Variants in MSI2 observed in about 807,000 individuals in gnomAD.
MSI2 encodes the protein musashi RNA binding protein 2, also known as RNA-binding protein Musashi homolog 2.
A neutral mutation model predicts 45.6 loss-of-function variants in MSI2; 17 were observed. The ratio of observed to expected loss-of-function variants is 0.37; its 90% CI spans 0.26 to 0.56. The LOEUF (loss-of-function observed/expected upper bound fraction) is 0.56, where lower values mean the gene tolerates loss of function less well. Ranked by LOEUF, MSI2 falls within the 20% of genes least tolerant of loss-of-function variation. The pLI is 0.77. For missense variants in MSI2, 293 were observed against 444.2 expected (o/e 0.66, Z 3.06); for synonymous variants, 156 against 158.2 (o/e 0.99, Z 0.11).
At chr17:57,435,069 G>C (rs185058998) in intron 6 of MSI2, among the ~76,000 whole-genome samples, 3 of 152,292 alleles carry the variant, frequency 2.0e-5, no homozygotes, top group Admixed American at 6.5e-5. Flanking sequence ...TAATGTAAGA[G>C]AGACTGCTTG....
intron 7 of MSI2, among the ~76,000 whole-genome samples, chr17:57,582,290 C>A (rs976695133): frequency 6.6e-5 from 10 of 152,160 alleles, no homozygotes; most frequent in African/African-American, 2.4e-4. Context: ...AAAAAATTAG[C>A]ATGCCGCCCC....
chr17:57,698,706 C>A, the MSI2 span, among the ~76,000 whole-genome samples: 2 of 152,228 alleles, frequency 1.3e-5, no homozygotes, highest in South Asian at 4.1e-4. Context: ...CCTATCAATG[C>A]CCCTTGTTGC....
chr17:57,389,757 G>C (rs114125296), intron 5 of MSI2, among the ~76,000 whole-genome samples: 2,639 of 152,270 alleles, frequency 0.017, 75 homozygotes, highest in African/African-American at 0.059. Flanking sequence ...CTACGTGCCA[G>C]GTGCATTAAA....
chr17:57,586,478 C>G (rs1468699440), intron 7 of MSI2, among the ~76,000 whole-genome samples: 1 of 147,904 alleles, frequency 6.8e-6, no homozygotes, highest in African/African-American at 2.5e-5. Context: ...ATTTCACAAG[C>G]TCAGGGAGGT....
intron 8 of MSI2, among the ~76,000 whole-genome samples, chr17:57,607,325 T>C (rs1324970622): frequency 6.6e-6 from 1 of 152,218 alleles, no homozygotes; most frequent in Non-Finnish European, 1.5e-5. Flanking sequence ...GTCTGGGCCA[T>C]TTATAACATG....
chr17:57,694,107 A>C, the MSI2 span, among the ~76,000 whole-genome samples: 1 of 152,224 alleles, frequency 6.6e-6, no homozygotes, highest in Non-Finnish European at 1.5e-5. Flanking sequence ...AGAGTTGAAT[A>C]GTTGCAACAG....
chr17:57,410,645 T>C (rs2084179138), intron 6 of MSI2, among the ~76,000 whole-genome samples: 1 of 150,892 alleles, frequency 6.6e-6, no homozygotes, highest in Non-Finnish European at 1.5e-5. Flanking sequence ...CAGGAAGTCG[T>C]TTTTAGGTGG....
At chr17:57,330,008 A>G (rs532364816) in intron 5 of MSI2, among the ~76,000 whole-genome samples, 3 of 149,074 alleles carry the variant, frequency 2.0e-5, no homozygotes, top group African/African-American at 7.4e-5. Context: ...GCCTTTGCCT[A>G]TGGTGCCTTC....
At chr17:57,496,527 T>C (rs2085982859) in intron 6 of MSI2, among the ~76,000 whole-genome samples, 1 of 152,262 alleles carries the variant, frequency 6.6e-6, no homozygotes, top group Non-Finnish European at 1.5e-5. Context: ...GGAGGCAAGC[T>C]AATGTGCTCT....
chr17:57,507,223 CTCTGTGTGTG>C (rs1475235693), intron 6 of MSI2, among the ~76,000 whole-genome samples: 13,934 of 109,760 alleles, frequency 0.13, 1,313 homozygotes, highest in South Asian at 0.15. Context: ...GTCTTTGTCT[CTCTGTGTGTG>C]TGTGTGTGTG....
intron 6 of MSI2, among the ~76,000 whole-genome samples, chr17:57,492,313 C>T (rs1295492121): frequency 6.6e-6 from 1 of 152,162 alleles, no homozygotes; most frequent in Non-Finnish European, 1.5e-5. Flanking sequence ...CTTTCTTCTC[C>T]ACAATTATTT....
At chr17:57,383,834 C>G (rs1368042301) in intron 5 of MSI2, among the ~76,000 whole-genome samples, 1 of 152,104 alleles carries the variant, frequency 6.6e-6, no homozygotes, top group Non-Finnish European at 1.5e-5. Context: ...GAGGTTTACC[C>G]CCAATGAATA....
intron 5 of MSI2, among the ~76,000 whole-genome samples, chr17:57,312,374 C>G (rs1036785095): frequency 6.6e-6 from 1 of 152,126 alleles, no homozygotes; most frequent in Non-Finnish European, 1.5e-5. Flanking sequence ...TGGAGGAAAC[C>G]TGGTGTGGTG....
intron 6 of MSI2, among the ~76,000 whole-genome samples, chr17:57,483,823 G>A (rs1329850434): frequency 1.3e-5 from 2 of 152,148 alleles, no homozygotes; most frequent in Non-Finnish European, 2.9e-5. Flanking sequence ...AAGCCAATAG[G>A]AAGCCCCCAG....
intron 5 of MSI2, among the ~76,000 whole-genome samples, chr17:57,289,550 G>A (rs922851905): frequency 2.6e-5 from 4 of 151,916 alleles, no homozygotes; most frequent in African/African-American, 4.8e-5. Flanking sequence ...TCTCTCTGTC[G>A]TCTGTAAGAC....
intron 5 of MSI2, among the ~76,000 whole-genome samples, chr17:57,374,969 A>G (rs1392089190): frequency 6.6e-6 from 1 of 152,132 alleles, no homozygotes; most frequent in African/African-American, 2.4e-5. Flanking sequence ...ACTTCAGGAC[A>G]TCCCTGAACA....
intron 7 of MSI2, among the ~76,000 whole-genome samples, chr17:57,545,507 C>A (rs886473547): frequency 6.6e-6 from 1 of 152,036 alleles, no homozygotes; most frequent in African/African-American, 2.4e-5. Context: ...GCTATGGCAG[C>A]CGACTGCCCA....
rs888698376 is a variant in MSI2, at chr17:57,435,354, T to A, written c.405+33883T>A. On this transcript the variant is annotated intron_variant, in intron 6 of 13. Transcript: ENST00000284073. The stretch of plus-strand genomic sequence containing the variant: ...AAGACAGGTGTGATGGCACCTGGTG[T>A]GTTGGGGAAGAGGCAGATGGGCCAC... Among the ~76,000 whole-genome samples, 5 of 152,092 alleles carry A rather than the reference T, an allele frequency of 3.3e-5. No homozygotes were observed. In the South Asian group the frequency reaches 1.0e-3, roughly 32 times the overall value.
At chr17:57,401,116 G>A (rs1392219277) in intron 5 of MSI2, among the ~76,000 whole-genome samples, 1 of 152,198 alleles carries the variant, frequency 6.6e-6, no homozygotes, top group Non-Finnish European at 1.5e-5. Context: ...TCAGAATGAA[G>A]TTGCGTGTTG....
Sources: gnomAD v4.1 joint callset for allele counts (sites outside exome capture counted in the v4.1 genomes callset) on GRCh38, gnomAD v4.1.1 for gene constraint, MANE v1.5 for transcripts, NCBI Gene and HGNC (gene_info 2026-07-23, HGNC 2026-07-21) for gene names.